The following KSR2 variants were observed in gnomAD, a reference collection of about 807,000 sequenced individuals.
KSR2 encodes the protein kinase suppressor of ras 2.
A neutral mutation model predicts 107.8 loss-of-function variants in KSR2; 25 were observed. That is an observed-to-expected ratio of 0.23 (90% CI 0.17 to 0.32). The LOEUF (loss-of-function observed/expected upper bound fraction) is 0.32. KSR2 is among the 10% of genes least tolerant of loss of function. The pLI is 1.00. For synonymous variants in KSR2, 480 were observed against 507.0 expected, an observed-to-expected ratio of 0.95 and a Z score of 0.71; for missense variants, 887 against 1,268.9, an observed-to-expected ratio of 0.70 and a Z score of 4.57.
rs147818607 is a variant in KSR2, at chr12:117,954,714, A to G, written c.180+13362T>C. Among the ~76,000 whole-genome samples the G allele has an allele frequency of 1.3e-3, 196 of 152,324 alleles. 1 individual carries two copies. Among genetic ancestry groups the G allele is most frequent in the African/African-American group, 4.6e-3 (192 of 41,574 alleles). ...GGATGATCATCAAAAATTGCAAAGC[A>G]AGAATTATTAAGAATTTGTGGCCGG... On this transcript the variant is annotated intron_variant, in intron 1 of 19. Coordinates refer to ENST00000339824, the MANE Select transcript of KSR2 (RefSeq NM_173598.6).
chr12:117,899,252 T>C (rs918442960), intron 1 of KSR2, among the ~76,000 whole-genome samples: 1 of 152,062 alleles, frequency 6.6e-6, no homozygotes, highest in African/African-American at 2.4e-5. Flanking sequence ...CTACTCTTTG[T>C]GGGGCTGAGA....
At chr12:117,736,647 C>CA (rs1441475998) in intron 4 of KSR2, among the ~76,000 whole-genome samples, 3 of 151,464 alleles carry the variant, frequency 2.0e-5, no homozygotes, top group African/African-American at 7.3e-5. Context: ...CTGTCTCTAC[C>CA]AAAAAAATTA....
chr12:117,629,637 A>T (rs764066939), intron 5 of KSR2, among the ~76,000 whole-genome samples: 1 of 152,236 alleles, frequency 6.6e-6, no homozygotes, highest in African/African-American at 2.4e-5. Context: ...CATGAGAATC[A>T]GAACTCTTCC....
intron 3 of KSR2, among the ~76,000 whole-genome samples, chr12:117,774,732 A>G (rs1037602915): frequency 1.1e-4 from 17 of 152,206 alleles, no homozygotes; most frequent in African/African-American, 3.6e-4. Flanking sequence ...TACATTCTCA[A>G]TGTTGTGTAA....
intron 5 of KSR2, among the ~76,000 whole-genome samples, chr12:117,621,681 T>G (rs1264364586): frequency 2.0e-5 from 3 of 152,172 alleles, no homozygotes; most frequent in African/African-American, 7.2e-5. Flanking sequence ...ATTTTCTTGT[T>G]CAGGTAATAT....
chr12:117,659,523 C>T (rs1884334449), intron 5 of KSR2, among the ~76,000 whole-genome samples: 1 of 152,202 alleles, frequency 6.6e-6, no homozygotes. Flanking sequence ...TTTGAACTTC[C>T]ACCACCTTGT....
At chr12:117,961,980 A>G (rs1304506584) in intron 1 of KSR2, among the ~76,000 whole-genome samples, 1 of 151,914 alleles carries the variant, frequency 6.6e-6, no homozygotes, top group African/African-American at 2.4e-5. Flanking sequence ...TACTGTCTCT[A>G]TAAAAAATTT....
intron 4 of KSR2, among the ~76,000 whole-genome samples, chr12:117,740,223 C>T (rs929393656): frequency 2.0e-5 from 3 of 150,066 alleles, no homozygotes; most frequent in East Asian, 3.9e-4. Flanking sequence ...AATAATAGTC[C>T]CCAATCCCAT....
intron 5 of KSR2, among the ~76,000 whole-genome samples, chr12:117,626,161 G>T (rs1381446750): frequency 6.6e-6 from 1 of 152,052 alleles, no homozygotes; most frequent in African/African-American, 2.4e-5. Context: ...CCAGCTCCTA[G>T]ATTCACTGAT....
intron 4 of KSR2, among the ~76,000 whole-genome samples, chr12:117,734,596 T>C (rs614651): frequency 0.2 from 30,283 of 152,150 alleles, 3,692 homozygotes; most frequent in South Asian, 0.29. Context: ...TTGTACATTG[T>C]TGTTTCAGTC....
chr12:117,934,317 A>T (rs1895777959), intron 1 of KSR2, among the ~76,000 whole-genome samples: 1 of 152,202 alleles, frequency 6.6e-6, no homozygotes. Flanking sequence ...CTCCAGGAGT[A>T]GAGAAATGAA....
At chr12:117,467,309 G>A (rs1408152318) in intron 19 of KSR2, 104 bp from the exon 20 acceptor site, 4 of 574,426 alleles carry the variant, frequency 7.0e-6, no homozygotes, top group African/African-American at 3.9e-5. Context: ...GGCTTGAGAT[G>A]AACTGTTCCT....
At chr12:117,674,713 C>T (rs1020962158) in intron 4 of KSR2, among the ~76,000 whole-genome samples, 4 of 152,146 alleles carry the variant, frequency 2.6e-5, no homozygotes, top group African/African-American at 9.7e-5. Flanking sequence ...GTAATTGGAT[C>T]CCACTTTGGA....
chr12:117,720,883 G>A (rs1207121573), intron 4 of KSR2, among the ~76,000 whole-genome samples: 1 of 152,154 alleles, frequency 6.6e-6, no homozygotes, highest in African/African-American at 2.4e-5. Context: ...ACAGACAAAA[G>A]CATAAGCAAA....
At chr12:117,611,374 C>A (rs532527962) in intron 5 of KSR2, among the ~76,000 whole-genome samples, 1 of 147,470 alleles carries the variant, frequency 6.8e-6, no homozygotes, top group African/African-American at 2.5e-5. Flanking sequence ...GTTTCCAAAG[C>A]AGTCAAATCA....
At chr12:117,621,535 T>C (rs764343227) in intron 5 of KSR2, among the ~76,000 whole-genome samples, 33 of 152,114 alleles carry the variant, frequency 2.2e-4, no homozygotes, top group Admixed American at 7.2e-4. Flanking sequence ...ATAGGGTTGT[T>C]ACAAGGATTT....
At chr12:117,794,579 A>T (rs1221440155) in intron 3 of KSR2, among the ~76,000 whole-genome samples, 5 of 144,380 alleles carry the variant, frequency 3.5e-5, no homozygotes, top group African/African-American at 7.9e-5. Flanking sequence ...ACATGCACAC[A>T]TACATCAACA....
At chr12:117,938,004 A>G (rs1011438220) in intron 1 of KSR2, among the ~76,000 whole-genome samples, 2 of 149,584 alleles carry the variant, frequency 1.3e-5, no homozygotes, top group Non-Finnish European at 3.0e-5. Context: ...CCTGAAACAT[A>G]TTAGACTCCT....
chr12:117,724,586 ACCCCC>A (rs1887342672), intron 4 of KSR2, among the ~76,000 whole-genome samples: 1 of 90,812 alleles, frequency 1.1e-5, no homozygotes, highest in Non-Finnish European at 2.3e-5. Context: ...CTGCCCCCCC[ACCCCC>A]GGCCGCCTGC....
Sources: allele counts gnomAD v4.1 joint callset (sites outside exome capture counted in the v4.1 genomes callset), GRCh38; gene constraint gnomAD v4.1.1; transcripts MANE v1.5; gene names NCBI Gene and HGNC (gene_info 2026-07-23, HGNC 2026-07-21).